Variants in PTPRD observed in about 807,000 individuals in gnomAD.
PTPRD encodes the protein receptor-type tyrosine-protein phosphatase delta.
PTPRD carries 34 observed loss-of-function variants against 214.5 expected under a neutral mutation model. The ratio of observed to expected loss-of-function variants is 0.16; its 90% CI spans 0.12 to 0.21. The LOEUF is 0.21. PTPRD is among the 10% of genes least tolerant of loss of function. The probability of loss-of-function intolerance (pLI) is 1.00; values close to 1 mark genes in which losing one functional copy is unlikely to be tolerated. For missense variants in PTPRD, 2,545 were observed against 2,398.7 expected (o/e 1.06, Z -1.27); for synonymous variants, 1,128 against 845.7 (o/e 1.33, Z -5.79).
At chr9:10,339,573 G>C (rs960166279) in intron 3 of PTPRD, among the ~76,000 whole-genome samples, 1 of 151,544 alleles carries the variant, frequency 6.6e-6, no homozygotes, top group Non-Finnish European at 1.5e-5. Context: ...AAGATGGATC[G>C]GCAAGATAGA....
chr9:8,357,969 T>C (rs1478399169), intron 39 of PTPRD, among the ~76,000 whole-genome samples: 2 of 152,236 alleles, frequency 1.3e-5, no homozygotes, highest in Non-Finnish European at 2.9e-5. Context: ...CAATACTTCT[T>C]GGTCTTTGAG....
chr9:8,409,243 G>C (rs2093318796), intron 35 of PTPRD, among the ~76,000 whole-genome samples: 1 of 152,116 alleles, frequency 6.6e-6, no homozygotes, highest in Admixed American at 6.6e-5. Flanking sequence ...AGGAAACTGA[G>C]GTATAGATAA....
chr9:8,616,795 T>G (rs2095625181), intron 14 of PTPRD, among the ~76,000 whole-genome samples: 1 of 152,132 alleles, frequency 6.6e-6, no homozygotes, highest in Non-Finnish European at 1.5e-5. Flanking sequence ...TTCTTAGATG[T>G]TTTGGATGTG....
chr9:10,100,110 T>C (rs2098537468), intron 3 of PTPRD, among the ~76,000 whole-genome samples: 1 of 151,676 alleles, frequency 6.6e-6, no homozygotes, highest in Non-Finnish European at 1.5e-5. Context: ...TGAGAAATGC[T>C]TGTCACCTAG....
rs780241316 is a variant in PTPRD, at chr9:9,571,953, C to T, written c.-237+2779G>A. 6.6e-5 allele frequency among the ~76,000 whole-genome samples: 10 copies of T among 150,612 alleles called. No individual in the cohort carries two copies. In the South Asian group the frequency reaches 1.5e-3, roughly 22 times the overall value. ...AGTCCATTAACTGTAAAAGTTTAAA[C>T]GATATTATGGTTTAGAGAAACCATA... On this transcript the variant is annotated intron_variant, in intron 8 of 45. Transcript: ENST00000381196.
intron 3 of PTPRD, among the ~76,000 whole-genome samples, chr9:10,054,981 T>C (rs939708152): frequency 1.1e-4 from 16 of 147,574 alleles, no homozygotes; most frequent in Non-Finnish European, 2.1e-4. Flanking sequence ...GTGTCCATAT[T>C]AAAAGAAAGA....
At chr9:8,544,592 C>T (rs1326929846) in intron 14 of PTPRD, among the ~76,000 whole-genome samples, 2 of 151,144 alleles carry the variant, frequency 1.3e-5, no homozygotes, top group Non-Finnish European at 2.9e-5. Flanking sequence ...GCCTCAGCCT[C>T]CCGAATAGCT....
chr9:9,503,303 T>G (rs2096479339), intron 8 of PTPRD, among the ~76,000 whole-genome samples: 1 of 151,682 alleles, frequency 6.6e-6, no homozygotes, highest in South Asian at 2.1e-4. Flanking sequence ...TTTATTTTTC[T>G]TCTTGTTATA....
At chr9:9,522,939 G>A (rs559101074) in intron 8 of PTPRD, among the ~76,000 whole-genome samples, 2 of 152,290 alleles carry the variant, frequency 1.3e-5, no homozygotes, top group South Asian at 4.1e-4. Flanking sequence ...ATTTGACAGG[G>A]AAGGTGGAAA....
intron 3 of PTPRD, among the ~76,000 whole-genome samples, chr9:10,183,140 G>A (rs1269872844): frequency 2.0e-5 from 3 of 152,078 alleles, no homozygotes; most frequent in Non-Finnish European, 2.9e-5. Context: ...CTAGCACATA[G>A]TAAAGTGTTC....
intron 3 of PTPRD, among the ~76,000 whole-genome samples, chr9:10,104,667 C>G (rs183047308): frequency 6.6e-6 from 1 of 151,788 alleles, no homozygotes; most frequent in East Asian, 1.9e-4. Context: ...TATATTAAAA[C>G]GCCAGTACTT....
At chr9:9,638,841 G>A (rs2095851049) in intron 7 of PTPRD, among the ~76,000 whole-genome samples, 1 of 152,094 alleles carries the variant, frequency 6.6e-6, no homozygotes, top group African/African-American at 2.4e-5. Flanking sequence ...GTCTGGTCCT[G>A]GCTTCCGAGA....
chr9:9,513,832 A>G (rs1204904217), intron 8 of PTPRD, among the ~76,000 whole-genome samples: 1 of 152,024 alleles, frequency 6.6e-6, no homozygotes, highest in Admixed American at 6.6e-5. Flanking sequence ...TAGGAATCAA[A>G]TATCACCTGC....
intron 8 of PTPRD, among the ~76,000 whole-genome samples, chr9:9,418,175 G>A (rs2077538101): frequency 6.6e-6 from 1 of 151,938 alleles, no homozygotes. Flanking sequence ...CTTTCACATT[G>A]CCTCTGGGTG....
At chr9:9,969,589 T>C (rs529692729) in intron 4 of PTPRD, among the ~76,000 whole-genome samples, 1 of 152,208 alleles carries the variant, frequency 6.6e-6, no homozygotes, top group African/African-American at 2.4e-5. Flanking sequence ...CATTATATTG[T>C]AAACACAGAG....
chr9:10,601,568 T>C (rs1245084831), intron 2 of PTPRD, among the ~76,000 whole-genome samples: 1 of 151,782 alleles, frequency 6.6e-6, no homozygotes, highest in Non-Finnish European at 1.5e-5. Flanking sequence ...AATGATTATA[T>C]TAAATATCTA....
intron 9 of PTPRD, among the ~76,000 whole-genome samples, chr9:9,231,314 C>T (rs940996946): frequency 6.6e-6 from 1 of 151,998 alleles, no homozygotes; most frequent in African/African-American, 2.4e-5. Context: ...AACTCTTTGG[C>T]TGGAAAAGCC....
intron 8 of PTPRD, among the ~76,000 whole-genome samples, chr9:9,402,527 A>G (rs2071076383): frequency 6.6e-6 from 1 of 152,104 alleles, no homozygotes; most frequent in Admixed American, 6.6e-5. Flanking sequence ...CTTAGGATTT[A>G]TAAATATAAA....
At chr9:10,009,798 C>T (rs911201115) in intron 4 of PTPRD, among the ~76,000 whole-genome samples, 1 of 151,908 alleles carries the variant, frequency 6.6e-6, no homozygotes, top group Admixed American at 6.6e-5. Flanking sequence ...TAATTTCTTT[C>T]AGGGCCTGTA....
Sources: gnomAD v4.1 joint callset for allele counts (sites outside exome capture counted in the v4.1 genomes callset) on GRCh38, gnomAD v4.1.1 for gene constraint, MANE v1.5 for transcripts, NCBI Gene and HGNC (gene_info 2026-07-23, HGNC 2026-07-21) for gene names.